Variants in CD160 observed in about 807,000 individuals in gnomAD.
The protein encoded by CD160 is CD160 antigen.
A neutral mutation model predicts 19.2 loss-of-function variants in CD160; 11 were observed. That is an observed-to-expected ratio of 0.57 (90% CI 0.36 to 0.95). CD160 has a LOEUF of 0.95. CD160 is among the 40% of genes least tolerant of loss of function. The pLI is 0.01. For missense variants in CD160, 182 were observed against 213.2 expected, an observed-to-expected ratio of 0.85 and a Z score of 0.91; for synonymous variants, 75 against 81.1, an observed-to-expected ratio of 0.93 and a Z score of 0.40.
chr1:145,727,834 T>C (rs1657112635), intron 2 of CD160, among the ~76,000 whole-genome samples: 1 of 152,128 alleles, frequency 6.6e-6, no homozygotes, highest in Non-Finnish European at 1.5e-5. Flanking sequence ...TAATTTTTCA[T>C]CCATCAGATT....
rs150598144 is a variant in CD160 at position 145,723,900 on chromosome 1, G to A, written c.-178-901G>A. Among the ~76,000 whole-genome samples the A allele has an allele frequency of 5.0e-4, 76 of 152,068 alleles. No homozygotes were observed. In the East Asian group the frequency reaches 0.013, roughly 25 times the overall value. On this transcript the variant is annotated intron_variant, in intron 1 of 5. Transcript: ENST00000369288. The stretch of plus-strand genomic sequence containing the variant: ...GCCTTCACCTGTTTCTATTTTTTTG[G>A]TATTATAAAAAATGCTGCAGTGAAT...
chr1:145,737,341 T>C (rs1657537745), intron 5 of CD160: 2 of 152,012 alleles, frequency 1.3e-5, no homozygotes, highest in African/African-American at 2.4e-5. Flanking sequence ...CACTCAGTAA[T>C]GATCTACTAT....
chr1:145,720,424 A>C (rs945674099), intron 1 of CD160, among the ~76,000 whole-genome samples: 1 of 152,190 alleles, frequency 6.6e-6, no homozygotes, highest in African/African-American at 2.4e-5. Flanking sequence ...GTTGAGCAGG[A>C]AGCCTGAGAT....
At chr1:145,720,150 G>C (rs1656770882) in intron 1 of CD160, among the ~76,000 whole-genome samples, 1 of 152,156 alleles carries the variant, frequency 6.6e-6, no homozygotes, top group Non-Finnish European at 1.5e-5. Flanking sequence ...AGTTTTTATA[G>C]ATTTCTCCAA....
At chr1:145,720,948 T>G (rs1039470363) in intron 1 of CD160, among the ~76,000 whole-genome samples, 9 of 152,092 alleles carry the variant, frequency 5.9e-5, no homozygotes, top group Non-Finnish European at 1.2e-4. Context: ...CACCGAGCCC[T>G]GGGGCCACCA....
Position 145,738,508 on chromosome 1 carries a change from GAAACTTTTA to G in CD160, c.*20_*28del. 1 of 1,322,028 alleles carries G rather than the reference GAAACTTTTA, an allele frequency of 7.6e-7. No individual in the cohort carries two copies. 81.9% of individuals were successfully genotyped at this position (1,322,028 alleles called of 1,614,324 possible). Reference sequence around the variant, plus strand: ...CAGCTTTGTAAGCCTTGTGCCAAAAGAAACTTTTAAAACAGCTACAGCAAGATGAGTCTG... The same window carrying G: ...CAGCTTTGTAAGCCTTGTGCCAAAAGAAACAGCTACAGCAAGATGAGTCTG... On this transcript the variant is annotated 3_prime_UTR_variant, in exon 6 of 6. Transcript: ENST00000369288.
At chr1:145,729,337 GA>G (rs1553708823) in intron 3 of CD160, among the ~76,000 whole-genome samples, 6 of 152,166 alleles carry the variant, frequency 3.9e-5, no homozygotes, top group Admixed American at 2.6e-4. Flanking sequence ...GTCTTAAAAG[GA>G]AAAGCAAGTC....
intron 5 of CD160, chr1:145,737,880 A>G (rs587601605): frequency 2.0e-4 from 30 of 152,298 alleles, no homozygotes; most frequent in African/African-American, 7.0e-4. Flanking sequence ...AGTTAACCAA[A>G]GGAAAAAACC....
rs141243656 is a variant in CD160, at chr1:145,728,750, T to C, written c.73+350T>C. Among the ~76,000 whole-genome samples the C allele has an allele frequency of 5.5e-3, 843 of 152,152 alleles. 9 individuals carry two copies. The highest frequency in any genetic ancestry group is 9.9e-3 in the Non-Finnish European group (671 of 67,970). ...AACTCTGCCTGACCTCAGGTGATCC[T>C]CAGGCGCCCGGCTGACTCACTCTCC... On this transcript the variant is annotated intron_variant, in intron 3 of 5. Transcript: ENST00000369288.
intron 3 of CD160, among the ~76,000 whole-genome samples, chr1:145,729,880 T>C (rs1657217230): frequency 2.0e-5 from 3 of 152,214 alleles, no homozygotes; most frequent in Admixed American, 2.0e-4. Context: ...AGAAAAACTT[T>C]TACTCATCCT....
chr1:145,736,311 A>C, intron 5 of CD160, 177 bp downstream of exon 5: 1 of 1,537,406 alleles, frequency 6.5e-7, no homozygotes, highest in Non-Finnish European at 8.8e-7. Flanking sequence ...ATCCAAAGGC[A>C]CTAAGGAGGA....
rs144062287 is a variant in CD160 at position 145,728,337 on chromosome 1, G to C, written c.10G>C (p.Glu4Gln). 6 of 1,612,752 alleles carry C rather than the reference G, an allele frequency of 3.7e-6. No homozygotes were observed. In the East Asian group the frequency reaches 1.1e-4, roughly 30 times the overall value. The part of the protein sequence containing the change: MLL[E>Q]PGRGCCALAI... ...GCTGACAGCGTGCAGGATGCTGTTG[G>C]AACCCGGCAGAGGCTGCTGTGCCCT... is the stretch of plus-strand genomic sequence containing the variant. Residue 4 changes from glutamate (E) to glutamine (Q), a missense_variant, in exon 3 of 6, where the codon GAA becomes CAA. Glu to Gln is a conservative substitution (Grantham distance 29). Transcript: ENST00000369288.
chr1:145,732,497 G>T (rs1657334942), intron 4 of CD160, among the ~76,000 whole-genome samples: 1 of 151,394 alleles, frequency 6.6e-6, no homozygotes. Flanking sequence ...AACACAGGGA[G>T]ACACCATCTC....
chr1:145,723,917 G>C lies in CD160; in HGVS notation c.-178-884G>C, dbSNP rs56807300. ...TTTTTTTGGTATTATAAAAAATGCT[G>C]CAGTGAATATCCTTGTACATCTATA... On this transcript the variant is annotated intron_variant, in intron 1 of 5. Transcript: ENST00000369288. 1.7e-3 allele frequency among the ~76,000 whole-genome samples: 253 copies of C among 152,240 alleles called. 1 individual carries two copies. The highest frequency in any genetic ancestry group is 5.7e-3 in the African/African-American group (238 of 41,546).
chr1:145,739,147 T>C lies in CD160; in HGVS notation c.*654T>C, dbSNP rs1259319834. On this transcript the variant is annotated 3_prime_UTR_variant, in exon 6 of 6. Coordinates refer to ENST00000369288, the MANE Select transcript of CD160 (RefSeq NM_007053.4). ...ATTTCTCTTTTTAAATAAATGCCCA[T>C]AGCAGTATTTGGAGTCTTTTCTTTT... is the stretch of plus-strand genomic sequence containing the variant. The C allele has an allele frequency of 2.0e-5, 3 of 152,268 alleles. No homozygotes were observed. The highest frequency in any genetic ancestry group is 2.1e-4 in the South Asian group (1 of 4,832). 9.4% of individuals were successfully genotyped at this position (152,268 alleles called of 1,614,324 possible). A position where few individuals can be genotyped will look rare whatever the true frequency, so the allele number is the denominator to read the frequency against.
At chr1:145,737,584 G>C (rs1309459973) in intron 5 of CD160, 3 of 152,056 alleles carry the variant, frequency 2.0e-5, no homozygotes, top group Non-Finnish European at 4.4e-5. Context: ...ATATGAAACA[G>C]TCTGACCTTT....
intron 5 of CD160, 141 bp downstream of exon 5, chr1:145,736,275 C>T (rs1657489624): frequency 1.9e-6 from 3 of 1,555,296 alleles, no homozygotes; most frequent in African/African-American, 1.4e-5. Flanking sequence ...TGGCTATCCA[C>T]AGGAAAGTTC....
At chr1:145,720,700 T>A (rs913115104) in intron 1 of CD160, among the ~76,000 whole-genome samples, 3 of 152,184 alleles carry the variant, frequency 2.0e-5, no homozygotes, top group African/African-American at 7.2e-5. Flanking sequence ...CCTTGCCCTC[T>A]TGTCCCCACC....
chr1:145,730,716 C>G (rs1553709005), intron 3 of CD160, 28 bp from the exon 4 acceptor site: 3 of 1,587,484 alleles, frequency 1.9e-6, no homozygotes, highest in African/African-American at 2.7e-5. Context: ...TACCTGACCT[C>G]TGGGTAATTC....
Sources: allele counts gnomAD v4.1 joint callset (sites outside exome capture counted in the v4.1 genomes callset), GRCh38; gene constraint gnomAD v4.1.1; transcripts MANE v1.5; gene names NCBI Gene and HGNC (gene_info 2026-07-23, HGNC 2026-07-21).